Variants in CNGA3 observed in about 807,000 individuals in gnomAD.
The protein encoded by CNGA3 is cyclic nucleotide gated channel subunit alpha 3.
Under a neutral mutation model 46.6 loss-of-function variants are expected in CNGA3, and 42 were observed. The observed-to-expected ratio is 0.90, with a 90% CI of 0.70 to 1.17. The LOEUF is 1.17. CNGA3 is among the 50% of genes most tolerant of loss of function. The pLI is 0.00. For missense variants in CNGA3, 893 were observed against 890.7 expected (o/e 1.00, Z -0.03); for synonymous variants, 394 against 369.4 (o/e 1.07, Z -0.76).
At chr2:98,361,130 A>G (rs551101205) in intron 1 of CNGA3, among the ~76,000 whole-genome samples, 1 of 152,014 alleles carries the variant, frequency 6.6e-6, no homozygotes, top group African/African-American at 2.4e-5. Flanking sequence ...ACCCATCTCT[A>G]GGTATTAAGG....
chr2:98,367,355 C>T (rs77303073), intron 1 of CNGA3, among the ~76,000 whole-genome samples: 21,524 of 151,298 alleles, frequency 0.14, 2,142 homozygotes, highest in Non-Finnish European at 0.21. Flanking sequence ...CCACCACGCC[C>T]GGCTAATTTT....
In CNGA3 at chr2:98,370,000, T is replaced by C. The variant is rs901405708; in HGVS notation, c.25T>C (p.Ser9Pro). MAKINTQY[S>P]HPSRTHLKVK... ...GATGGCCAAGATCAACACCCAATAC[T>C]CCCACCCCTCCAGGACCCACCTCAA... The change falls in exon 2 of 8, where the codon TCC becomes CCC. Residue 9 changes from serine (S) to proline (P), a missense_variant. Physicochemically the swap from Ser to Pro is moderately conservative, Grantham distance 74. This residue lies in a region of CNGA3 where 333 missense variants were observed against 290.8 expected (regional missense o/e 1.15). Coordinates refer to ENST00000272602, the MANE Select transcript of CNGA3 (RefSeq NM_001298.3). 1.9e-6 allele frequency: 3 copies of C among 1,613,676 alleles called. No individual in the cohort carries two copies. Among genetic ancestry groups the C allele is most frequent in the Non-Finnish European group, 2.5e-6 (3 of 1,179,956 alleles).
intron 1 of CNGA3, among the ~76,000 whole-genome samples, chr2:98,369,042 A>G (rs1332894311): frequency 6.6e-6 from 1 of 152,240 alleles, no homozygotes; most frequent in Non-Finnish European, 1.5e-5. Context: ...GATAATATTT[A>G]GAATTCCAGC....
intron 4 of CNGA3, among the ~76,000 whole-genome samples, chr2:98,381,189 CA>C (rs1182025202): frequency 1.3e-5 from 2 of 152,072 alleles, no homozygotes; most frequent in Non-Finnish European, 2.9e-5. Context: ...CTCTTTAGGA[CA>C]CTTAGGTCTG....
chr2:98,376,434 C>T (rs1050424248), intron 2 of CNGA3, among the ~76,000 whole-genome samples: 4 of 152,116 alleles, frequency 2.6e-5, no homozygotes, highest in African/African-American at 4.8e-5. Flanking sequence ...ACCTGACTCC[C>T]GGTGGTTCCA....
intron 1 of CNGA3, among the ~76,000 whole-genome samples, chr2:98,364,875 A>T (rs945915680): frequency 6.6e-6 from 1 of 152,142 alleles, no homozygotes; most frequent in African/African-American, 2.4e-5. Flanking sequence ...TATGAAGTTT[A>T]GTTTGGCCAG....
chr2:98,355,556 T>TA (rs141943802), intron 1 of CNGA3, among the ~76,000 whole-genome samples: 2,569 of 152,258 alleles, frequency 0.017, 81 homozygotes, highest in African/African-American at 0.059. Flanking sequence ...TTAAGTTTTT[T>TA]AAAAGGTATA....
chr2:98,395,704 A>G, intron 7 of CNGA3, 140 bp from the exon 8 acceptor site: 2 of 703,410 alleles, frequency 2.8e-6, no homozygotes, highest in Admixed American at 4.3e-5. Context: ...TAGTAATGGT[A>G]AGTGTTGTTT....
chr2:98,358,494 T>C (rs552656794), intron 1 of CNGA3, among the ~76,000 whole-genome samples: 1 of 152,124 alleles, frequency 6.6e-6, no homozygotes, highest in Non-Finnish European at 1.5e-5. Context: ...AAAAAAAAAT[T>C]AATAAATTGA....
In CNGA3 at chr2:98,397,321, G is replaced by C; in HGVS notation, c.*66G>C. On this transcript the variant is annotated 3_prime_UTR_variant, in exon 8 of 8. Coordinates refer to ENST00000272602, the MANE Select transcript of CNGA3 (RefSeq NM_001298.3). Reference sequence around the variant, plus strand: ...AGGGTGACCGTATGTGGCCGCAGCTGTGTGGCATGGAACTTGGTCAGGGTT... The same window carrying C: ...AGGGTGACCGTATGTGGCCGCAGCTCTGTGGCATGGAACTTGGTCAGGGTT... The C allele has an allele frequency of 6.6e-7, 1 of 1,510,550 alleles. No homozygotes were observed. Among genetic ancestry groups the C allele is most frequent in the Non-Finnish European group, 9.1e-7 (1 of 1,096,092 alleles). 93.6% of individuals were successfully genotyped at this position (1,510,550 alleles called of 1,614,324 possible).
At position 98,380,360 on chromosome 2, in the gene CNGA3, G is replaced by C. The variant is rs1234553253; in HGVS notation, c.395+6G>C. On this transcript the variant is annotated splice_donor_region_variant and intron_variant, in intron 4 of 7. Transcript: ENST00000272602. Reference sequence around the variant, plus strand: ...CCAGCAGACAGAGGGAGAAGGTAAGGAACGGAAAAGAAGAAGGGGCCTCTG... The same window carrying C: ...CCAGCAGACAGAGGGAGAAGGTAAGCAACGGAAAAGAAGAAGGGGCCTCTG... The C allele has an allele frequency of 6.2e-7, 1 of 1,612,966 alleles. No homozygotes were observed. Among genetic ancestry groups the C allele is most frequent in the Non-Finnish European group, 8.5e-7 (1 of 1,179,428 alleles).
chr2:98,386,267 T>C (rs1017983026), intron 5 of CNGA3, among the ~76,000 whole-genome samples: 1 of 152,220 alleles, frequency 6.6e-6, no homozygotes, highest in East Asian at 1.9e-4. Context: ...GTGATTACAT[T>C]CAAGGTCCTT....
At position 98,380,348 on chromosome 2, in the gene CNGA3, G is replaced by A. The variant is rs763513739; in HGVS notation, c.389G>A (p.Gly130Glu). Residue 130 changes from glycine to glutamate, a missense_variant, in exon 4 of 8, where the codon GGG (glycine) becomes GAG (glutamate). Transcript: ENST00000272602. ...NVGSQEPADR[G>E]RSAWPLAKCN... Reference sequence around the variant, plus strand: ...GGCAGCCAGGAGCCAGCAGACAGAGGGAGAAGGTAAGGAACGGAAAAGAAG... The same window carrying A: ...GGCAGCCAGGAGCCAGCAGACAGAGAGAGAAGGTAAGGAACGGAAAAGAAG... 5.6e-6 allele frequency: 9 copies of A among 1,613,948 alleles called. No homozygotes were observed. The Admixed American group carries it at 6.7e-5, about 12-fold the overall frequency.
chr2:98,362,150 T>G (rs1160075775), intron 1 of CNGA3, among the ~76,000 whole-genome samples: 1 of 151,194 alleles, frequency 6.6e-6, no homozygotes, highest in Non-Finnish European at 1.5e-5. Flanking sequence ...TTTTGAGAAG[T>G]GTCTTTTCAT....
At chr2:98,350,829 C>T (rs897135382) in intron 1 of CNGA3, 1 of 152,132 alleles carries the variant, frequency 6.6e-6, no homozygotes, top group African/African-American at 2.4e-5. Flanking sequence ...CTTCCATTTG[C>T]TCTTGTTATA....
rs753973144 is a variant in CNGA3 at position 98,391,977 on chromosome 2, G to A, written c.673+7G>A. The stretch of plus-strand genomic sequence containing the variant: ...CTTGTACGAGCTCGGACAGGTGAGT[G>A]TGCCCCAGGCCTGGGGAGGGGACCA... On this transcript the variant is annotated splice_region_variant and intron_variant, in intron 7 of 7. Transcript: ENST00000272602. 1.8e-5 allele frequency: 29 copies of A among 1,612,702 alleles called. No individual in the cohort carries two copies. Among genetic ancestry groups the A allele is most frequent in the Non-Finnish European group, 2.5e-5 (29 of 1,179,410 alleles).
intron 4 of CNGA3, among the ~76,000 whole-genome samples, chr2:98,381,238 TGACCTCCCCTC>T (rs1425348905): frequency 6.6e-6 from 1 of 152,132 alleles, no homozygotes; most frequent in Admixed American, 6.5e-5. Context: ...GAGGGGAAGC[TGACCTCCCCTC>T]GGCCTCCCAA....
rs1333477251 is a variant in CNGA3, at chr2:98,352,572, G to A, written c.-38+6038G>A. ...TTAATTGTATGTATCATCTTGCCTG[G>A]GATACAGGGTGCCCAGATAAAACAT... On this transcript the variant is annotated intron_variant, in intron 1 of 7. Coordinates refer to ENST00000272602, the MANE Select transcript of CNGA3 (RefSeq NM_001298.3). Among the ~76,000 whole-genome samples the A allele has an allele frequency of 2.6e-5, 4 of 152,072 alleles. No homozygotes were observed. In the East Asian group the frequency reaches 5.8e-4, roughly 22 times the overall value.
chr2:98,361,184 C>A (rs1289159857), intron 1 of CNGA3, among the ~76,000 whole-genome samples: 1 of 152,058 alleles, frequency 6.6e-6, no homozygotes, highest in African/African-American at 2.4e-5. Context: ...CCCTCCCTGC[C>A]ACCCCTGGAG....
Sources: gnomAD v4.1 joint callset for allele counts (sites outside exome capture counted in the v4.1 genomes callset) on GRCh38, gnomAD v4.1.1 for gene constraint, gnomAD v4.1.1 regional missense constraint, MANE v1.5 for transcripts, NCBI Gene and HGNC (gene_info 2026-07-23, HGNC 2026-07-21) for gene names.